Variants in SYT1 observed in about 807,000 individuals in gnomAD.
SYT1 encodes the protein synaptotagmin-1.
Under a neutral mutation model 44.8 loss-of-function variants are expected in SYT1, and 8 were observed. That is an observed-to-expected ratio of 0.18 (90% CI 0.10 to 0.32). The LOEUF (loss-of-function observed/expected upper bound fraction) is 0.32. Ranked by LOEUF, SYT1 falls within the 10% of genes least tolerant of loss-of-function variation. SYT1 has a pLI of 1.00. For synonymous variants in SYT1, 154 were observed against 188.8 expected (o/e 0.82, Z 1.51); for missense variants, 286 against 509.3 (o/e 0.56, Z 4.22).
intron 3 of SYT1, among the ~76,000 whole-genome samples, chr12:79,063,400 T>G (rs924771308): frequency 6.6e-6 from 1 of 152,174 alleles, no homozygotes; most frequent in Non-Finnish European, 1.5e-5. Flanking sequence ...ACCCAGCTGC[T>G]CTGCCCCTGA....
At chr12:79,390,359 A>G (rs1481185013) in intron 9 of SYT1, among the ~76,000 whole-genome samples, 1 of 152,214 alleles carries the variant, frequency 6.6e-6, no homozygotes, top group African/African-American at 2.4e-5. Flanking sequence ...CGTTAGTAAT[A>G]TTGATAGGTA....
intron 4 of SYT1, among the ~76,000 whole-genome samples, chr12:79,218,422 TATC>T (rs1282599489): frequency 6.6e-6 from 1 of 152,170 alleles, no homozygotes; most frequent in African/African-American, 2.4e-5. Context: ...TGTATCAAAA[TATC>T]ATGTTGTAGA....
intron 3 of SYT1, among the ~76,000 whole-genome samples, chr12:79,175,949 G>C (rs1871835096): frequency 1.3e-5 from 2 of 152,008 alleles, no homozygotes; most frequent in Non-Finnish European, 2.9e-5. Context: ...TTTCTTGTTT[G>C]ATTATTTTCA....
At chr12:79,358,742 C>T (rs894429977) in intron 9 of SYT1, among the ~76,000 whole-genome samples, 3 of 152,156 alleles carry the variant, frequency 2.0e-5, no homozygotes, top group Non-Finnish European at 2.9e-5. Context: ...CTCTAACCTG[C>T]GTGAGGTGCC....
chr12:79,193,708 G>C (rs1025490173), intron 3 of SYT1, among the ~76,000 whole-genome samples: 3 of 149,598 alleles, frequency 2.0e-5, no homozygotes, highest in African/African-American at 7.7e-5. Flanking sequence ...AGCCTGGGTA[G>C]TGAGAACCCC....
intron 8 of SYT1, among the ~76,000 whole-genome samples, chr12:79,312,304 C>T (rs1164372493): frequency 6.6e-6 from 1 of 152,076 alleles, no homozygotes; most frequent in Non-Finnish European, 1.5e-5. Context: ...ATTGTCAGGG[C>T]CTGTATTAGG....
intron 8 of SYT1, among the ~76,000 whole-genome samples, chr12:79,301,811 C>T (rs1399358986): frequency 1.3e-5 from 2 of 152,100 alleles, no homozygotes; most frequent in South Asian, 4.1e-4. Context: ...ACTCTAGAGA[C>T]TTTCCTCTTT....
chr12:78,869,155 G>C (rs905443770), intron 1 of SYT1, among the ~76,000 whole-genome samples: 1 of 151,558 alleles, frequency 6.6e-6, no homozygotes, highest in East Asian at 1.9e-4. Context: ...TTGCAAACTT[G>C]ACTTAAACTT....
intron 9 of SYT1, among the ~76,000 whole-genome samples, chr12:79,354,119 AATGCATTT>A (rs1350445178): frequency 3.3e-5 from 5 of 152,178 alleles, no homozygotes; most frequent in Admixed American, 6.5e-5. Flanking sequence ...CCCCTATGGT[AATGCATTT>A]AATTCCACAG....
intron 4 of SYT1, among the ~76,000 whole-genome samples, chr12:79,249,088 CTTTTTT>C (rs58983623): frequency 3.8e-4 from 27 of 71,822 alleles, no homozygotes; most frequent in East Asian, 8.1e-4. Flanking sequence ...TTACCTCTTT[CTTTTTT>C]TTTTTTTTTT....
chr12:78,987,826 A>G (rs1210245033), intron 2 of SYT1, among the ~76,000 whole-genome samples: 1 of 152,088 alleles, frequency 6.6e-6, no homozygotes, highest in Non-Finnish European at 1.5e-5. Context: ...ATCCTAACTC[A>G]TTCTGTGAGG....
At chr12:79,253,359 G>A (rs1877329714) in intron 4 of SYT1, among the ~76,000 whole-genome samples, 1 of 151,996 alleles carries the variant, frequency 6.6e-6, no homozygotes, top group Admixed American at 6.6e-5. Flanking sequence ...CTGTTATGGT[G>A]ATCGGTGATC....
intron 8 of SYT1, among the ~76,000 whole-genome samples, chr12:79,315,066 A>T (rs1881016715): frequency 6.6e-6 from 1 of 152,190 alleles, no homozygotes; most frequent in Non-Finnish European, 1.5e-5. Flanking sequence ...GATAGCAATG[A>T]TGGTTACATA....
At chr12:79,248,270 A>G (rs1003215715) in intron 4 of SYT1, among the ~76,000 whole-genome samples, 1 of 152,226 alleles carries the variant, frequency 6.6e-6, no homozygotes, top group Non-Finnish European at 1.5e-5. Flanking sequence ...TGAGATGGAT[A>G]AAGGGTACAG....
intron 3 of SYT1, among the ~76,000 whole-genome samples, chr12:79,146,455 A>G (rs150641657): frequency 3.3e-5 from 5 of 152,298 alleles, no homozygotes; most frequent in African/African-American, 1.2e-4. Flanking sequence ...CCACACAGAT[A>G]ATTATGAAAG....
At chr12:79,386,822 T>A (rs566380358) in intron 9 of SYT1, among the ~76,000 whole-genome samples, 8 of 152,298 alleles carry the variant, frequency 5.3e-5, no homozygotes, top group African/African-American at 1.9e-4. Flanking sequence ...GCCTATAGCA[T>A]TCTCATTGCT....
At chr12:79,148,037 T>C (rs1457335768) in intron 3 of SYT1, among the ~76,000 whole-genome samples, 3 of 151,212 alleles carry the variant, frequency 2.0e-5, no homozygotes, top group Non-Finnish European at 4.4e-5. Flanking sequence ...AAAAAAAAGA[T>C]TTCTAAGCAA....
At chr12:79,227,299 A>G (rs974599145) in intron 4 of SYT1, among the ~76,000 whole-genome samples, 1 of 152,120 alleles carries the variant, frequency 6.6e-6, no homozygotes, top group Non-Finnish European at 1.5e-5. Context: ...CATTCTTCAC[A>G]CTGTTATCTA....
intron 1 of SYT1, among the ~76,000 whole-genome samples, chr12:78,923,561 A>C (rs777522655): frequency 1.6e-4 from 24 of 151,866 alleles, no homozygotes; most frequent in Non-Finnish European, 3.5e-4. Context: ...TATTTAAAAA[A>C]AATTTATTTT....
Sources: allele counts gnomAD v4.1 joint callset (sites outside exome capture counted in the v4.1 genomes callset), GRCh38; gene constraint gnomAD v4.1.1; transcripts MANE v1.5; gene names NCBI Gene and HGNC (gene_info 2026-07-23, HGNC 2026-07-21).